EFHC2: variants seen among roughly 807,000 people sequenced by gnomAD.
EFHC2 encodes the protein EF-hand domain containing 2.
EFHC2 carries 18 observed loss-of-function variants against 52.7 expected under a neutral mutation model. The ratio of observed to expected loss-of-function variants is 0.34; its 90% CI spans 0.24 to 0.51. EFHC2 has a LOEUF of 0.51. EFHC2 is among the 20% of genes least tolerant of loss of function. EFHC2 has a pLI of 0.97. For missense variants in EFHC2, 513 were observed against 562.5 expected, an observed-to-expected ratio of 0.91 and a Z score of 0.89; for synonymous variants, 203 against 204.1, an observed-to-expected ratio of 0.99 and a Z score of 0.04.
chrX:44,218,978 T>C (rs1157326704), intron 11 of EFHC2, among the ~76,000 whole-genome samples: 1 of 110,902 alleles, frequency 9.0e-6, no homozygotes, highest in Non-Finnish European at 1.9e-5. Context: ...CAAATGGTGG[T>C]ATATTCATAC....
intron 2 of EFHC2, among the ~76,000 whole-genome samples, chrX:44,283,027 C>T (rs1306354128): frequency 9.0e-6 from 1 of 111,234 alleles, no homozygotes; most frequent in African/African-American, 3.3e-5. Flanking sequence ...TCTGCCCTGT[C>T]CTCCAGCTGG....
chrX:44,221,874 C>T (rs2037196581), intron 11 of EFHC2, among the ~76,000 whole-genome samples: 1 of 111,678 alleles, frequency 9.0e-6, no homozygotes, highest in Admixed American at 9.5e-5. Flanking sequence ...ATAGTATTCC[C>T]CTTTTCAGAA....
intron 3 of EFHC2, among the ~76,000 whole-genome samples, chrX:44,268,599 G>A (rs986040884): frequency 4.5e-5 from 5 of 111,787 alleles, no homozygotes; most frequent in Non-Finnish European, 7.5e-5. Context: ...AGCTTAGTGA[G>A]GGAATATCAG....
intron 14 of EFHC2, among the ~76,000 whole-genome samples, chrX:44,154,334 G>A (rs1486082598): frequency 8.9e-6 from 1 of 112,347 alleles, no homozygotes. Context: ...GGGAGTTGAT[G>A]GATGAATACC....
intron 11 of EFHC2, among the ~76,000 whole-genome samples, chrX:44,228,540 A>G (rs778388920): frequency 8.9e-6 from 1 of 112,121 alleles, no homozygotes; most frequent in Non-Finnish European, 1.9e-5. Flanking sequence ...TGTGACTATG[A>G]ACAATAACAA....
chrX:44,324,202 G>A (rs373475330), intron 1 of EFHC2, among the ~76,000 whole-genome samples: 4 of 110,276 alleles, frequency 3.6e-5, no homozygotes, highest in East Asian at 5.7e-4. Context: ...ACCCAGACAG[G>A]TAAACTGGCT....
intron 14 of EFHC2, among the ~76,000 whole-genome samples, chrX:44,155,192 T>C (rs745630125): frequency 4.5e-5 from 5 of 112,206 alleles, no homozygotes; most frequent in Admixed American, 9.4e-5. Flanking sequence ...GGAATCATTG[T>C]CTCCAAGAAG....
intron 1 of EFHC2, among the ~76,000 whole-genome samples, chrX:44,321,707 G>A (rs1200373180): frequency 9.0e-6 from 1 of 111,422 alleles, no homozygotes; most frequent in Non-Finnish European, 1.9e-5. Context: ...TGAAGACGAG[G>A]CTTGAGACTT....
intron 10 of EFHC2, among the ~76,000 whole-genome samples, chrX:44,230,821 A>T (rs1194484382): frequency 1.8e-5 from 2 of 111,731 alleles, no homozygotes; most frequent in Non-Finnish European, 1.9e-5. Flanking sequence ...AGCAACACTG[A>T]TTGAGCTTAC....
intron 13 of EFHC2, among the ~76,000 whole-genome samples, chrX:44,172,207 C>G (rs1040302563): frequency 8.9e-6 from 1 of 112,174 alleles, no homozygotes; most frequent in African/African-American, 3.2e-5. Context: ...CAGGACAGAG[C>G]TGCTGGGGAA....
At chrX:44,216,479 A>G (rs945272966) in intron 11 of EFHC2, among the ~76,000 whole-genome samples, 1 of 111,742 alleles carries the variant, frequency 8.9e-6, no homozygotes, top group Non-Finnish European at 1.9e-5. Context: ...GTCACAGCAG[A>G]CAATGCACAA....
At chrX:44,338,156 A>G (rs1602223906) in intron 1 of EFHC2, among the ~76,000 whole-genome samples, 1 of 111,571 alleles carries the variant, frequency 9.0e-6, no homozygotes, top group East Asian at 2.8e-4. Context: ...TTAAATAGTT[A>G]GTGGTTAATT....
chrX:44,250,045 A>G (rs1569293453), intron 5 of EFHC2, 149 bp downstream of exon 5: 1 of 633,327 alleles, frequency 1.6e-6, no homozygotes, highest in Non-Finnish European at 2.3e-6. Context: ...ACAGATGTGT[A>G]TTAATAGAGG....
At chrX:44,267,204 C>T (rs1476704312) in intron 3 of EFHC2, among the ~76,000 whole-genome samples, 1 of 112,237 alleles carries the variant, frequency 8.9e-6, no homozygotes, top group African/African-American at 3.2e-5. Flanking sequence ...GGTAAAACTA[C>T]TGGATTAACC....
chrX:44,169,716 T>TAC (rs1218892756), intron 13 of EFHC2, among the ~76,000 whole-genome samples: 13 of 86,633 alleles, frequency 1.5e-4, no homozygotes, highest in African/African-American at 6.5e-4. Context: ...TATATATAGC[T>TAC]ACACATACAC....
At chrX:44,163,571 C>T (rs755488970) in intron 14 of EFHC2, among the ~76,000 whole-genome samples, 22 of 112,189 alleles carry the variant, frequency 2.0e-4, no homozygotes, top group Admixed American at 1.6e-3. Context: ...GCCATAGGCA[C>T]CATTTGAGAT....
intron 5 of EFHC2, 87 bp from the exon 6 acceptor site, chrX:44,249,003 C>A: frequency 1.9e-6 from 1 of 515,308 alleles, no homozygotes; most frequent in Non-Finnish European, 3.0e-6. Context: ...AGAGGTGGCA[C>A]TCAATGAATA....
intron 11 of EFHC2, among the ~76,000 whole-genome samples, chrX:44,201,051 A>G (rs1002154755): frequency 2.7e-5 from 3 of 112,342 alleles, no homozygotes; most frequent in African/African-American, 9.7e-5. Flanking sequence ...ATTAAATATC[A>G]AAGAATTAAG....
chrX:44,261,714 C>T (rs2037539953), intron 3 of EFHC2, among the ~76,000 whole-genome samples: 1 of 89,303 alleles, frequency 1.1e-5, no homozygotes, highest in Admixed American at 1.5e-4. Flanking sequence ...GGCATTAAGG[C>T]ACCAATGCAG....
Sources: allele counts gnomAD v4.1 joint callset (sites outside exome capture counted in the v4.1 genomes callset), GRCh38; gene constraint gnomAD v4.1.1; transcripts MANE v1.5; gene names NCBI Gene and HGNC (gene_info 2026-07-23, HGNC 2026-07-21).